Variants in ZNF707 observed in about 807,000 individuals in gnomAD.
The protein encoded by ZNF707 is zinc finger protein 707.
In ZNF707, 8 loss-of-function variants were observed where a neutral mutation model predicts 13.3. The observed-to-expected ratio is 0.60, with a 90% CI of 0.35 to 1.09. The LOEUF is 1.09. Among genes scored for constraint, ZNF707 ranks in the 50% least tolerant of loss-of-function variants. The pLI, the probability that ZNF707 is intolerant of heterozygous loss-of-function variation, is 0.02. For missense variants in ZNF707, 530 were observed against 512.6 expected, an observed-to-expected ratio of 1.03 and a Z score of -0.33; for synonymous variants, 225 against 205.6, an observed-to-expected ratio of 1.09 and a Z score of -0.81.
chr8:143,693,611 G>A lies in ZNF707; in HGVS notation c.257-60G>A, dbSNP rs889692322. The A allele has an allele frequency of 2.7e-6, 4 of 1,477,692 alleles. No individual in the cohort carries two copies. Among genetic ancestry groups the A allele is most frequent in the Middle Eastern group, 1.8e-4 (1 of 5,604 alleles). The allele number at this position is 1,477,692 out of a possible 1,614,324, so 91.5% of individuals were successfully genotyped here. On this transcript the variant is annotated intron_variant, in intron 5 of 5. Coordinates refer to ENST00000358656, the MANE Select transcript of ZNF707 (RefSeq NM_001100598.2). This position sits in a 1 kb window ranked among gnomAD's most constrained non-coding sequence, Gnocchi z 4.1. Reference sequence around the variant, plus strand: ...CGCCCGGCCTCCTCTGGGCTTTGCTGGAGGCACTGCCTGGCTGTGGGCCAC... The same window carrying A: ...CGCCCGGCCTCCTCTGGGCTTTGCTAGAGGCACTGCCTGGCTGTGGGCCAC...
At chr8:143,685,754 G>A (rs1816203696) in intron 1 of ZNF707, among the ~76,000 whole-genome samples, 1 of 151,634 alleles carries the variant, frequency 6.6e-6, no homozygotes, top group Non-Finnish European at 1.5e-5. Context: ...GAGGTGGGAG[G>A]ATCACTTGAG....
In ZNF707 at chr8:143,695,259, C is replaced by T. The variant is rs1817237849; in HGVS notation, c.*729C>T. On this transcript the variant is annotated 3_prime_UTR_variant, in exon 6 of 6. Transcript: ENST00000358656. ...TCGCATTTCGTGGGGGAAGAGGTGACCTCTTTGTTTTAAACTTAAGGTGTC... is the reference window on the plus strand; with the variant it reads ...TCGCATTTCGTGGGGGAAGAGGTGATCTCTTTGTTTTAAACTTAAGGTGTC... 1 of 152,110 alleles carries T rather than the reference C, an allele frequency of 6.6e-6. No individual in the cohort carries two copies. The highest frequency in any genetic ancestry group is 2.1e-4 in the South Asian group (1 of 4,828). The allele number at this position is 152,110 out of a possible 1,614,324, so 9.4% of individuals were successfully genotyped here.
chr8:143,686,485 T>C (rs182708177), intron 1 of ZNF707, among the ~76,000 whole-genome samples: 1 of 152,330 alleles, frequency 6.6e-6, no homozygotes, highest in African/African-American at 2.4e-5. Flanking sequence ...CCTTTTCATG[T>C]TTTTATAGAC....
intron 3 of ZNF707, 115 bp downstream of exon 3, chr8:143,690,238 T>C: frequency 7.5e-7 from 1 of 1,337,806 alleles, no homozygotes; most frequent in South Asian, 1.3e-5. Flanking sequence ...TGTGCCCGTG[T>C]CTGCCTTTCT....
At chr8:143,684,624 G>C (rs894805368) in intron 1 of ZNF707, 82 bp downstream of exon 1, 1 of 152,290 alleles carries the variant, frequency 6.6e-6, no homozygotes, top group African/African-American at 2.4e-5. Flanking sequence ...GCCGCCCCAG[G>C]GCTGTGAGAC....
intron 4 of ZNF707, 55 bp from the exon 5 acceptor site, chr8:143,691,545 C>CCCTCACTTTGTCCTCAGTACAAGT: frequency 1.2e-5 from 18 of 1,522,220 alleles, no homozygotes; most frequent in Non-Finnish European, 1.6e-5. Context: ...TGAGCCTCGA[C>CCCTCACTTTGTCCTCAGTACAAGT]CCTCACTTTG....
At position 143,694,991 on chromosome 8, in the gene ZNF707, G is replaced by A. The variant is rs977205215; in HGVS notation, c.*461G>A. On this transcript the variant is annotated 3_prime_UTR_variant, in exon 6 of 6. Coordinates refer to ENST00000358656, the MANE Select transcript of ZNF707 (RefSeq NM_001100598.2). This position sits in a 1 kb window ranked among gnomAD's most constrained non-coding sequence, Gnocchi z 4.4. ...CCTTCTTGTCTCTGTCTTGGGCGAG[G>A]CAGCTGTGAGCATTGCACAGAGGCA... 5.4e-5 allele frequency: 9 copies of A among 168,164 alleles called. No homozygotes were observed. Among genetic ancestry groups the A allele is most frequent in the Admixed American group, 5.3e-4 (9 of 17,032 alleles). The allele number at this position is 168,164 out of a possible 1,614,324, so 10.4% of individuals were successfully genotyped here. A position where few individuals can be genotyped will look rare whatever the true frequency, so the allele number is the denominator to read the frequency against.
Position 143,691,070 on chromosome 8 carries a change from C to G in ZNF707, c.16-3C>G, listed in dbSNP as rs1554613430. 2 of 1,613,826 alleles carry G rather than the reference C, an allele frequency of 1.2e-6. No homozygotes were observed. The highest frequency in any genetic ancestry group is 2.2e-5 in the East Asian group (1 of 44,882). ...GCCTCTTCGGGAGCTGTGTGTGTTGCAGGAGCCAGTGACCTTCAGGGACGT... is the reference window on the plus strand; with the variant it reads ...GCCTCTTCGGGAGCTGTGTGTGTTGGAGGAGCCAGTGACCTTCAGGGACGT... On this transcript the variant is annotated splice_region_variant and splice_polypyrimidine_tract_variant and intron_variant, in intron 3 of 5. Transcript: ENST00000358656.
intron 3 of ZNF707, chr8:143,690,511 C>T: frequency 4.4e-6 from 1 of 229,226 alleles, no homozygotes; most frequent in Non-Finnish European, 8.5e-6. Flanking sequence ...TGCAGTGAGC[C>T]AAGATCGTGC....
At chr8:143,684,712 T>G (rs1305179856) in intron 1 of ZNF707, 170 bp downstream of exon 1, 4 of 152,404 alleles carry the variant, frequency 2.6e-5, no homozygotes, top group Admixed American at 2.0e-4. Flanking sequence ...TTCAGCTTCT[T>G]CCGGCTCGGC....
intron 4 of ZNF707, 91 bp from the exon 5 acceptor site, chr8:143,691,509 C>A: frequency 2.9e-6 from 4 of 1,371,148 alleles, no homozygotes; most frequent in Non-Finnish European, 4.0e-6. Context: ...GCTGGCCTGG[C>A]GTCTTAGGCT....
In ZNF707 at chr8:143,684,511, G is replaced by A. The variant is rs1554611442; in HGVS notation, c.-182G>A. 1.3e-5 allele frequency: 2 copies of A among 152,294 alleles called. No homozygotes were observed. The highest frequency in any genetic ancestry group is 4.8e-5 in the African/African-American group (2 of 41,474). The allele number at this position is 152,294 out of a possible 1,614,324, so 9.4% of individuals were successfully genotyped here. On this transcript the variant is annotated 5_prime_UTR_variant, in exon 1 of 6. Transcript: ENST00000358656. ...TCTGGGCTACCGGCGCGGCGTAGTG[G>A]ATGCAGCATCCTAGTGGAGGACGCC...
In ZNF707 at chr8:143,691,151, C is replaced by T; in HGVS notation, c.94C>T (p.Leu32Phe). ...WACLEPSQRA[L>F]YRDVMLDNFS... ...GTGTCTGGAACCCAGCCAGAGGGCCCTCTACCGGGACGTGATGCTGGACAA... is the reference window on the plus strand; with the variant it reads ...GTGTCTGGAACCCAGCCAGAGGGCCTTCTACCGGGACGTGATGCTGGACAA... The change falls in exon 4 of 6, where the codon CTC becomes TTC. Residue 32 changes from leucine to phenylalanine, a missense_variant. Transcript: ENST00000358656. The T allele has an allele frequency of 1.2e-6, 2 of 1,613,810 alleles. No homozygotes were observed. The highest frequency in any genetic ancestry group is 1.7e-6 in the Non-Finnish European group (2 of 1,179,810).
Position 143,694,287 on chromosome 8 carries a change from G to A in ZNF707, c.873G>A (p.Ala291=), listed in dbSNP as rs367651938. ...CCGGGGAGCGGCCGTTCTACTGCGC[G>A]GACTGCGGCAAAGCCTTCCGGACCA... ...VHTGERPFYC[A]DCGKAFRTKE... The change falls in exon 6 of 6, where the codon GCG becomes GCA. Residue 291 remains alanine, a synonymous_variant. Coordinates refer to ENST00000358656, the MANE Select transcript of ZNF707 (RefSeq NM_001100598.2). The surrounding 1 kb of genome is among the most constrained non-coding windows in gnomAD (Gnocchi z 4.4). The A allele has an allele frequency of 5.0e-6, 8 of 1,598,304 alleles. No homozygotes were observed. In the South Asian group the frequency reaches 6.7e-5, roughly 13 times the overall value.
chr8:143,689,955 TCCTGAA>T, intron 2 of ZNF707, 96 bp from the exon 3 acceptor site: 1 of 898,904 alleles, frequency 1.1e-6, no homozygotes, highest in Admixed American at 2.2e-5. Flanking sequence ...CACTCATTTT[TCCTGAA>T]TTCCCCGTGA....
At chr8:143,691,871 G>A (rs1276609794) in intron 5 of ZNF707, 158 bp downstream of exon 5, 10 of 953,096 alleles carry the variant, frequency 1.0e-5, no homozygotes, top group Non-Finnish European at 1.4e-5. Flanking sequence ...GAGACGTAGG[G>A]GCAGCCACGC....
In ZNF707 at chr8:143,689,488, C is replaced by T. The variant is rs112089219; in HGVS notation, c.-53+187C>T. 1.2e-3 allele frequency among the ~76,000 whole-genome samples: 185 copies of T among 152,256 alleles called. 3 individuals carry two copies. The highest frequency in any genetic ancestry group is 4.2e-3 in the African/African-American group (175 of 41,538). Reference sequence around the variant, plus strand: ...AGACCTGGGGGTAGAAGCTGGATCTCAGCGGGCTGGGGCCCTAAGGTTTAG... The same window carrying T: ...AGACCTGGGGGTAGAAGCTGGATCTTAGCGGGCTGGGGCCCTAAGGTTTAG... On this transcript the variant is annotated intron_variant, in intron 2 of 5. Coordinates refer to ENST00000358656, the MANE Select transcript of ZNF707 (RefSeq NM_001100598.2).
intron 5 of ZNF707, 195 bp downstream of exon 5, chr8:143,691,908 G>T: frequency 2.8e-6 from 3 of 1,079,340 alleles, no homozygotes; most frequent in Non-Finnish European, 4.1e-6. Context: ...ACTGGCCGGG[G>T]GTGGGGCTCG....
At chr8:143,691,933 G>A in intron 5 of ZNF707, 1 of 1,233,766 alleles carries the variant, frequency 8.1e-7, no homozygotes, top group Non-Finnish European at 1.1e-6. Flanking sequence ...GCATAGTGCT[G>A]CAGGATGACA....
Sources: gnomAD v4.1 joint callset for allele counts (sites outside exome capture counted in the v4.1 genomes callset) on GRCh38, gnomAD v4.1.1 for gene constraint, Gnocchi (gnomAD v3.1) non-coding constraint, MANE v1.5 for transcripts, NCBI Gene and HGNC (gene_info 2026-07-23, HGNC 2026-07-21) for gene names.